The following MKLN1 variants were observed in gnomAD, a reference collection of about 807,000 sequenced individuals.
The protein encoded by MKLN1 is muskelin.
Under a neutral mutation model 99.0 loss-of-function variants are expected in MKLN1, and 18 were observed. The ratio of observed to expected loss-of-function variants is 0.18; its 90% CI spans 0.13 to 0.27. The LOEUF (loss-of-function observed/expected upper bound fraction) is 0.27, where lower values mean the gene tolerates loss of function less well. Ranked by LOEUF, MKLN1 falls within the 10% of genes least tolerant of loss-of-function variation. The pLI, the probability that MKLN1 is intolerant of heterozygous loss-of-function variation, is 1.00. For synonymous variants in MKLN1, 288 were observed against 293.2 expected (o/e 0.98, Z 0.18); for missense variants, 621 against 875.9 (o/e 0.71, Z 3.67).
intron 3 of MKLN1, among the ~76,000 whole-genome samples, chr7:131,225,974 C>A (rs1797141284): frequency 6.6e-6 from 1 of 152,092 alleles, no homozygotes; most frequent in Non-Finnish European, 1.5e-5. Flanking sequence ...CCAGCCCTTC[C>A]TACTCCCTCA....
chr7:131,470,871 T>A lies in MKLN1; in HGVS notation c.1958T>A (p.Leu653His). 1 of 1,612,854 alleles carries A rather than the reference T, an allele frequency of 6.2e-7. No homozygotes were observed. Among genetic ancestry groups the A allele is most frequent in the Non-Finnish European group, 8.5e-7 (1 of 1,178,938 alleles). ...RFEEKAQVDP[L>H]SALKYLQNDL... ...GAAGAAAAGGCCCAAGTGGATCCCC[T>A]TAGTGCTCTGAAATATTTACAAAAT... Residue 653 changes from leucine to histidine, a missense_variant, in exon 16 of 18, where the codon CTT becomes CAT. This residue lies in a region of MKLN1 where 126 missense variants were observed against 157.4 expected (regional missense o/e 0.80). Coordinates refer to ENST00000352689, the MANE Select transcript of MKLN1 (RefSeq NM_013255.5).
intron 2 of MKLN1, among the ~76,000 whole-genome samples, chr7:131,186,670 C>T (rs1369348490): frequency 1.3e-5 from 2 of 152,196 alleles, no homozygotes; most frequent in African/African-American, 4.8e-5. Flanking sequence ...GCAAAGTACT[C>T]AATAAATGTT....
chr7:131,401,659 C>G (rs943931281), intron 6 of MKLN1, among the ~76,000 whole-genome samples: 3 of 152,048 alleles, frequency 2.0e-5, no homozygotes, highest in Non-Finnish European at 4.4e-5. Flanking sequence ...TAATTATAGG[C>G]ATATCTTGGA....
chr7:131,237,062 G>GT (rs1797333463), intron 3 of MKLN1, among the ~76,000 whole-genome samples: 2 of 152,136 alleles, frequency 1.3e-5, no homozygotes, highest in South Asian at 4.1e-4. Flanking sequence ...CTGATTTTTT[G>GT]TTTGTTTGCT....
chr7:131,110,279 T>C, intron 1 of MKLN1: 1 of 160,034 alleles, frequency 6.2e-6, no homozygotes, highest in Non-Finnish European at 1.4e-5. Flanking sequence ...CGGCGGGAAG[T>C]GCTAGAAGTC....
intron 2 of MKLN1, among the ~76,000 whole-genome samples, chr7:131,179,974 T>C (rs1166859566): frequency 6.6e-6 from 1 of 152,138 alleles, no homozygotes; most frequent in East Asian, 1.9e-4. Flanking sequence ...CTCACAGCAG[T>C]TTGAACTCCT....
intron 3 of MKLN1, chr7:131,242,888 T>C (rs1199217930): frequency 6.0e-6 from 4 of 670,322 alleles, no homozygotes; most frequent in East Asian, 6.5e-5. Flanking sequence ...TCAATAAGGA[T>C]GTCTTCAGAG....
chr7:131,363,782 G>C (rs1030095972), intron 1 of MKLN1, among the ~76,000 whole-genome samples: 2 of 147,300 alleles, frequency 1.4e-5, no homozygotes, highest in African/African-American at 5.0e-5. Context: ...CTGTCCTGCC[G>C]TGTCACCACC....
At position 131,327,891 on chromosome 7, in the gene MKLN1, G is replaced by A. The variant is rs748513249; in HGVS notation, c.-9G>A. The A allele has an allele frequency of 5.6e-6, 9 of 1,611,546 alleles. No individual in the cohort carries two copies. In the African/African-American group the frequency reaches 8.0e-5, roughly 14 times the overall value. On this transcript the variant is annotated 5_prime_UTR_variant, in exon 1 of 18. Coordinates refer to ENST00000352689, the MANE Select transcript of MKLN1 (RefSeq NM_013255.5). Reference sequence around the variant, plus strand: ...AGCGGTCGGTGGCGGCCGCTACGGTGCTGACAAGATGGCGGCTGGCGGAGC... The same window carrying A: ...AGCGGTCGGTGGCGGCCGCTACGGTACTGACAAGATGGCGGCTGGCGGAGC...
At chr7:131,432,786 T>G (rs372840178) in intron 9 of MKLN1, among the ~76,000 whole-genome samples, 45 of 152,304 alleles carry the variant, frequency 3.0e-4, no homozygotes, top group African/African-American at 1.0e-3. Context: ...ATCTCTTTAA[T>G]GTTTGGCTCA....
intron 2 of MKLN1, among the ~76,000 whole-genome samples, chr7:131,151,090 T>C (rs1309920866): frequency 6.6e-6 from 1 of 152,212 alleles, no homozygotes; most frequent in East Asian, 1.9e-4. Flanking sequence ...AACTATATTT[T>C]TCTTTAAGTG....
At chr7:131,437,756 A>T (rs377709308) in intron 9 of MKLN1, 29 bp from the exon 10 acceptor site, 3 of 1,487,392 alleles carry the variant, frequency 2.0e-6, no homozygotes, top group Non-Finnish European at 2.8e-6. Flanking sequence ...TTATTTGTTT[A>T]TTTATTTATT....
rs34359037 is a variant in MKLN1, at chr7:131,251,093, ATGTG to A, written c.-179+48149_-179+48152del. ...GACAGCCAGCAGCAATGGGGCCCAG[ATGTG>A]TGTGTGTGTGTGTGTGTGTGTGTGT... On this transcript the variant is annotated intron_variant, in intron 3 of 7. Coordinates refer to the MKLN1 transcript ENST00000416992. 9.1e-3 allele frequency among the ~76,000 whole-genome samples: 1,336 copies of A among 146,216 alleles called. 12 individuals are homozygous for A. Among genetic ancestry groups the A allele is most frequent in the African/African-American group, 0.021 (848 of 39,962 alleles).
chr7:131,341,692 T>C (rs2116728759), intron 1 of MKLN1, among the ~76,000 whole-genome samples: 1 of 152,340 alleles, frequency 6.6e-6, no homozygotes, highest in South Asian at 2.1e-4. Context: ...AATTGTTCCA[T>C]TTCAGATCAT....
intron 1 of MKLN1, among the ~76,000 whole-genome samples, chr7:131,112,594 C>T (rs938300455): frequency 4.6e-5 from 7 of 152,154 alleles, no homozygotes; most frequent in African/African-American, 1.4e-4. Context: ...ATTATGACAA[C>T]GTGTCACTGT....
chr7:131,410,463 TTTTATC>T (rs1405215716), intron 6 of MKLN1, among the ~76,000 whole-genome samples: 10 of 152,214 alleles, frequency 6.6e-5, no homozygotes, highest in African/African-American at 9.6e-5. Context: ...CTGTTAGTAC[TTTTATC>T]TTTATGTAGT....
At chr7:131,178,277 G>A (rs1367437072) in intron 2 of MKLN1, among the ~76,000 whole-genome samples, 1 of 134,734 alleles carries the variant, frequency 7.4e-6, no homozygotes. Flanking sequence ...CCACATGCCC[G>A]GCTTTTTTTT....
At chr7:131,159,545 G>T (rs1796016443) in intron 2 of MKLN1, among the ~76,000 whole-genome samples, 2 of 152,084 alleles carry the variant, frequency 1.3e-5, no homozygotes, top group Admixed American at 1.3e-4. Context: ...AGAGTAGGAT[G>T]GTGGTTACCA....
At chr7:131,283,347 TCCTTCCTTCC>T (rs1798084493) in intron 3 of MKLN1, among the ~76,000 whole-genome samples, 2 of 14,628 alleles carry the variant, frequency 1.4e-4, no homozygotes, top group Non-Finnish European at 2.7e-4. Flanking sequence ...TCCCTTCCCC[TCCTTCCTTCC>T]TTCCTTCCTT....
Sources: gnomAD v4.1 joint callset for allele counts (sites outside exome capture counted in the v4.1 genomes callset) on GRCh38, gnomAD v4.1.1 for gene constraint, gnomAD v4.1.1 regional missense constraint, MANE v1.5 for transcripts, NCBI Gene and HGNC (gene_info 2026-07-23, HGNC 2026-07-21) for gene names.